Variants in ZNF350 observed in about 807,000 individuals in gnomAD.
ZNF350 encodes the protein zinc finger protein 350.
Under a neutral mutation model 13.1 loss-of-function variants are expected in ZNF350, and 5 were observed. The observed-to-expected ratio is 0.38, with a 90% CI of 0.20 to 0.80. ZNF350 has a LOEUF of 0.80. ZNF350 is among the 30% of genes least tolerant of loss of function. The probability of loss-of-function intolerance (pLI) is 0.43; values close to 1 mark genes in which losing one functional copy is unlikely to be tolerated. For missense variants in ZNF350, 534 were observed against 644.2 expected (o/e 0.83, Z 1.85); for synonymous variants, 199 against 224.2 (o/e 0.89, Z 1.00).
At chr19:51,979,854 C>T (rs1427605746) in intron 1 of ZNF350, among the ~76,000 whole-genome samples, 2 of 152,230 alleles carry the variant, frequency 1.3e-5, no homozygotes, top group Non-Finnish European at 2.9e-5. Context: ...CTTTATACAA[C>T]AGCAGAATCC....
intron 2 of ZNF350, among the ~76,000 whole-genome samples, chr19:51,969,964 C>A (rs2085687812): frequency 1.3e-5 from 2 of 152,130 alleles, no homozygotes; most frequent in South Asian, 4.1e-4. Context: ...ATAATCTCAG[C>A]TCACTGCAAC....
At chr19:51,966,838 C>T (rs1015030063) in intron 4 of ZNF350, among the ~76,000 whole-genome samples, 1 of 150,792 alleles carries the variant, frequency 6.6e-6, no homozygotes, top group African/African-American at 2.4e-5. Context: ...GTAGAGACGG[C>T]GTTTCACCAT....
chr19:51,971,141 A>C (rs1432167078), intron 2 of ZNF350, among the ~76,000 whole-genome samples: 1 of 152,220 alleles, frequency 6.6e-6, no homozygotes, highest in Non-Finnish European at 1.5e-5. Flanking sequence ...AAATTGAGTC[A>C]TTGAAGACCC....
intron 1 of ZNF350, among the ~76,000 whole-genome samples, chr19:51,977,652 C>T (rs2085931295): frequency 6.6e-6 from 1 of 152,224 alleles, no homozygotes; most frequent in African/African-American, 2.4e-5. Flanking sequence ...ACCCTATGCA[C>T]AATTTCTTGC....
At position 51,986,836 on chromosome 19, in the gene ZNF350, G is replaced by A. The variant is rs1439736549; in HGVS notation, c.-238C>T. On this transcript the variant is annotated 5_prime_UTR_variant, in exon 1 of 5. Transcript: ENST00000243644. ...ACTTCCGTAAACTGCTCCTACTTCT[G>A]GAGTCCTCGCACGGGTTTATGGTCC... 6.6e-6 allele frequency: 1 copy of A among 152,164 alleles called. No individual in the cohort carries two copies. Among genetic ancestry groups the A allele is most frequent in the Non-Finnish European group, 1.5e-5 (1 of 68,054 alleles). 9.4% of individuals were successfully genotyped at this position (152,164 alleles called of 1,614,324 possible).
intron 2 of ZNF350, 160 bp from the exon 3 acceptor site, chr19:51,969,291 C>A: frequency 1.3e-6 from 1 of 773,942 alleles, no homozygotes. Flanking sequence ...ATATAATATT[C>A]TGTAACTGTA....
At position 51,986,793 on chromosome 19, in the gene ZNF350, G is replaced by C. The variant is rs911058281; in HGVS notation, c.-195C>G. Reference sequence around the variant, plus strand: ...ACCTCTATTTTCTCCAGATACACAAGAAGGGCCTCAACGTTACACTTCCGT... The same window carrying C: ...ACCTCTATTTTCTCCAGATACACAACAAGGGCCTCAACGTTACACTTCCGT... On this transcript the variant is annotated 5_prime_UTR_variant, in exon 1 of 5. Coordinates refer to ENST00000243644, the MANE Select transcript of ZNF350 (RefSeq NM_021632.4). 2.0e-5 allele frequency: 3 copies of C among 152,184 alleles called. No homozygotes were observed. Among genetic ancestry groups the C allele is most frequent in the African/African-American group, 7.2e-5 (3 of 41,396 alleles). 9.4% of individuals were successfully genotyped at this position (152,184 alleles called of 1,614,324 possible).
intron 1 of ZNF350, 180 bp from the exon 2 acceptor site, chr19:51,974,711 G>T: frequency 5.3e-6 from 1 of 189,638 alleles, no homozygotes; most frequent in East Asian, 1.2e-4. Flanking sequence ...TCTTAATGTG[G>T]TGGAGGTATG....
rs186499680 is a variant in ZNF350 at position 51,979,528 on chromosome 19, G to T, written c.-171-4997C>A. 6.1e-3 allele frequency among the ~76,000 whole-genome samples: 923 copies of T among 152,286 alleles called. 11 individuals are homozygous for T. Among genetic ancestry groups the T allele is most frequent in the African/African-American group, 0.021 (863 of 41,558 alleles). On this transcript the variant is annotated intron_variant, in intron 1 of 4. Coordinates refer to ENST00000243644, the MANE Select transcript of ZNF350 (RefSeq NM_021632.4). ...CAGCCATAGCTGTCTTGCAATTCAA[G>T]CTCAAACATGGTTGAGTCACTATGG...
chr19:51,970,884 A>T (rs974606881), intron 2 of ZNF350, among the ~76,000 whole-genome samples: 4 of 152,216 alleles, frequency 2.6e-5, no homozygotes, highest in African/African-American at 7.2e-5. Context: ...CCTACAAAGG[A>T]GACAAAATTT....
At chr19:51,977,529 CCCAGATGCTGCTTATCAGCAGTGTA>C (rs1389542792) in intron 1 of ZNF350, among the ~76,000 whole-genome samples, 1 of 152,188 alleles carries the variant, frequency 6.6e-6, no homozygotes, top group Non-Finnish European at 1.5e-5. Flanking sequence ...AAATGGCACT[CCCAGATGCTGCTTATCAGCAGTGTA>C]CACAGGCCGC....
chr19:51,983,275 A>G (rs1242601793), intron 1 of ZNF350, among the ~76,000 whole-genome samples: 1 of 152,210 alleles, frequency 6.6e-6, no homozygotes, highest in African/African-American at 2.4e-5. Context: ...CCTCTGCCCA[A>G]GAAAGCCTGG....
rs1031859903 is a variant in ZNF350 at position 51,968,924 on chromosome 19, G to C, written c.142+81C>G. On this transcript the variant is annotated intron_variant, in intron 3 of 4. Coordinates refer to ENST00000243644, the MANE Select transcript of ZNF350 (RefSeq NM_021632.4). ...AATCTACCACTTCAGAGTACTGCAG[G>C]CATTCCAAAGAGGTAGGCATCTGAG... The C allele has an allele frequency of 7.4e-6, 12 of 1,612,528 alleles. No homozygotes were observed. In the East Asian group the frequency reaches 8.9e-5, roughly 12 times the overall value.
chr19:51,968,697 A>T, intron 3 of ZNF350, 24 bp from the exon 4 acceptor site: 7 of 1,604,852 alleles, frequency 4.4e-6, no homozygotes, highest in Non-Finnish European at 6.0e-6. Context: ...ATGATAGAGG[A>T]CTTAGACATA....
At chr19:51,980,200 A>C (rs909369022) in intron 1 of ZNF350, among the ~76,000 whole-genome samples, 55 of 152,214 alleles carry the variant, frequency 3.6e-4, no homozygotes, top group African/African-American at 1.2e-3. Flanking sequence ...CACTGCATTA[A>C]TCATAGCACA....
chr19:51,971,262 T>C (rs1047331047), intron 2 of ZNF350, among the ~76,000 whole-genome samples: 4 of 152,186 alleles, frequency 2.6e-5, no homozygotes, highest in Non-Finnish European at 5.9e-5. Flanking sequence ...TTCTAAATTA[T>C]TTATGTGAGA....
At chr19:51,982,670 T>C (rs1009181945) in intron 1 of ZNF350, among the ~76,000 whole-genome samples, 3 of 152,130 alleles carry the variant, frequency 2.0e-5, no homozygotes, top group Admixed American at 2.0e-4. Context: ...AAAGTTTAAA[T>C]AGCTATAAAC....
Position 51,974,390 on chromosome 19 carries a change from A to G in ZNF350, c.-30T>C, listed in dbSNP as rs553904115. On this transcript the variant is annotated 5_prime_UTR_variant, in exon 2 of 5. Coordinates refer to ENST00000243644, the MANE Select transcript of ZNF350 (RefSeq NM_021632.4). ...TTCTGTTCTTGGAAGACAGCATTCAACTGGGATGGTCTGTCTTTGTATCTT... is the reference window on the plus strand; with the variant it reads ...TTCTGTTCTTGGAAGACAGCATTCAGCTGGGATGGTCTGTCTTTGTATCTT... The G allele has an allele frequency of 1.5e-5, 24 of 1,613,524 alleles. No individual in the cohort carries two copies. In the East Asian group the frequency reaches 3.6e-4, roughly 24 times the overall value.
At chr19:51,966,258 TA>T in intron 4 of ZNF350, 44 bp from the exon 5 acceptor site, 1 of 1,510,842 alleles carries the variant, frequency 6.6e-7, no homozygotes, top group Non-Finnish European at 8.8e-7. Context: ...AGATTTGGGG[TA>T]AAAGTTTGTT....
Sources: gnomAD v4.1 joint callset for allele counts (sites outside exome capture counted in the v4.1 genomes callset) on GRCh38, gnomAD v4.1.1 for gene constraint, MANE v1.5 for transcripts, NCBI Gene and HGNC (gene_info 2026-07-23, HGNC 2026-07-21) for gene names.